STAT4: variants seen among roughly 807,000 people sequenced by gnomAD.
The protein encoded by STAT4 is signal transducer and activator of transcription 4.
In STAT4, 42 loss-of-function variants were observed where a neutral mutation model predicts 110.5. The ratio of observed to expected loss-of-function variants is 0.38; its 90% CI spans 0.30 to 0.49. The LOEUF (loss-of-function observed/expected upper bound fraction) is 0.49, where lower values mean the gene tolerates loss of function less well. Among genes scored for constraint, STAT4 ranks in the 20% least tolerant of loss-of-function variants. The pLI is 0.95. For synonymous variants in STAT4, 284 were observed against 302.2 expected (o/e 0.94, Z 0.63); for missense variants, 632 against 887.9 (o/e 0.71, Z 3.66).
chr2:191,071,514 TC>T (rs2125254352), intron 5 of STAT4, among the ~76,000 whole-genome samples: 1 of 152,314 alleles, frequency 6.6e-6, no homozygotes, highest in African/African-American at 2.4e-5. Context: ...TGCAGAATCT[TC>T]TAATGAAAAG....
At chr2:191,055,653 G>C (rs1183694626) in intron 13 of STAT4, among the ~76,000 whole-genome samples, 1 of 152,084 alleles carries the variant, frequency 6.6e-6, no homozygotes. Context: ...ACGCCCAGCT[G>C]ATTTTTATTT....
Position 191,150,974 on chromosome 2 carries a change from G to A in STAT4, c.-29C>T. On this transcript the variant is annotated 5_prime_UTR_variant, in exon 1 of 24. Coordinates refer to ENST00000392320, the MANE Select transcript of STAT4 (RefSeq NM_003151.4). This position sits in a 1 kb window ranked among gnomAD's most constrained non-coding sequence, Gnocchi z 6.4. ...AGCGCTCTCTCAGCACAGGTCCCAG[G>A]CAGTGCTCAAGTCCAAAGTCAGAAG... 1 of 985,724 alleles carries A rather than the reference G, an allele frequency of 1.0e-6. No homozygotes were observed. 61.1% of individuals were successfully genotyped at this position (985,724 alleles called of 1,614,324 possible).
Position 191,150,483 on chromosome 2 carries a change from T to C in STAT4, c.-2+464A>G, listed in dbSNP as rs1388888755. ...GGTGCCGCTTTGGCTCTGTGGCCTG[T>C]AGCTTGCAAAAGGAGATGACCTGCC... On this transcript the variant is annotated intron_variant, in intron 1 of 23. Coordinates refer to ENST00000392320, the MANE Select transcript of STAT4 (RefSeq NM_003151.4). This position sits in a 1 kb window ranked among gnomAD's most constrained non-coding sequence, Gnocchi z 6.4. Among the ~76,000 whole-genome samples, 1 of 152,222 alleles carries C rather than the reference T, an allele frequency of 6.6e-6. No homozygotes were observed. Among genetic ancestry groups the C allele is most frequent in the African/African-American group, 2.4e-5 (1 of 41,446 alleles).
chr2:191,070,436 G>C (rs746382208), intron 5 of STAT4, among the ~76,000 whole-genome samples: 1 of 152,070 alleles, frequency 6.6e-6, no homozygotes, highest in Non-Finnish European at 1.5e-5. Flanking sequence ...AGAAGCAGAG[G>C]CCACGAGATG....
rs1358707674 is a variant in STAT4, at chr2:191,150,111, T to C, written c.-2+836A>G. Among the ~76,000 whole-genome samples the C allele has an allele frequency of 6.6e-6, 1 of 152,142 alleles. No individual in the cohort carries two copies. The highest frequency in any genetic ancestry group is 1.5e-5 in the Non-Finnish European group (1 of 68,032). ...AATATCACTGTATATTCCATAAATA[T>C]TTACAATTGTGTGTCAAATGAAAAT... is the stretch of plus-strand genomic sequence containing the variant. On this transcript the variant is annotated intron_variant, in intron 1 of 23. Coordinates refer to ENST00000392320, the MANE Select transcript of STAT4 (RefSeq NM_003151.4). The surrounding 1 kb of genome is among the most constrained non-coding windows in gnomAD (Gnocchi z 6.4).
At chr2:191,118,032 C>T (rs775192719) in intron 3 of STAT4, among the ~76,000 whole-genome samples, 8 of 152,146 alleles carry the variant, frequency 5.3e-5, no homozygotes, top group African/African-American at 1.2e-4. Flanking sequence ...TCAGACCTGG[C>T]GTTTTTCATC....
chr2:191,134,964 T>TA (rs1345955533), intron 3 of STAT4, among the ~76,000 whole-genome samples: 2 of 148,774 alleles, frequency 1.3e-5, no homozygotes, highest in Non-Finnish European at 3.0e-5. Flanking sequence ...CATAAAAAGA[T>TA]AAAAAAGTCA....
intron 14 of STAT4, chr2:191,041,535 A>G (rs968311123): frequency 2.6e-5 from 4 of 152,304 alleles, no homozygotes; most frequent in Non-Finnish European, 4.4e-5. Flanking sequence ...TTAGTGTCAC[A>G]ATGAATCTGT....
chr2:191,076,083 G>C lies in STAT4; in HGVS notation c.372+144C>G, dbSNP rs924270992. The C allele has an allele frequency of 2.0e-4, 128 of 635,522 alleles. No homozygotes were observed. Among genetic ancestry groups the C allele is most frequent in the Non-Finnish European group, 3.2e-4 (115 of 363,750 alleles). The allele number at this position is 635,522 out of a possible 1,614,324, so 39.4% of individuals were successfully genotyped here. Reference sequence around the variant, plus strand: ...TGGCCAGACTGGTCTCAAACTCTTGGCTTCAAATGATCCTCCCACCTTTGC... The same window carrying C: ...TGGCCAGACTGGTCTCAAACTCTTGCCTTCAAATGATCCTCCCACCTTTGC... On this transcript the variant is annotated intron_variant, in intron 4 of 23. Transcript: ENST00000392320.
At chr2:191,057,948 T>C in intron 13 of STAT4, 70 bp downstream of exon 13, 1 of 1,255,232 alleles carries the variant, frequency 8.0e-7, no homozygotes, top group East Asian at 2.3e-5. Context: ...TACTGAATTA[T>C]AAGGCGTATT....
chr2:191,076,561 A>G (rs1697323885), intron 3 of STAT4, among the ~76,000 whole-genome samples: 2 of 152,184 alleles, frequency 1.3e-5, no homozygotes, highest in Admixed American at 1.3e-4. Context: ...TTAACAATGA[A>G]AAATGGTTCT....
intron 3 of STAT4, among the ~76,000 whole-genome samples, chr2:191,108,961 A>G (rs1001888021): frequency 2.0e-5 from 3 of 152,126 alleles, no homozygotes; most frequent in East Asian, 1.9e-4. Context: ...CCACTTGGCA[A>G]AAACAGAAAC....
chr2:191,061,962 A>C lies in STAT4; in HGVS notation c.942-141T>G. The C allele has an allele frequency of 7.2e-6, 5 of 697,400 alleles. No homozygotes were observed. The South Asian group carries it at 8.0e-5, about 11-fold the overall frequency. The allele number at this position is 697,400 out of a possible 1,614,324, so 43.2% of individuals were successfully genotyped here. On this transcript the variant is annotated intron_variant, in intron 9 of 23. Transcript: ENST00000392320. The surrounding 1 kb of genome is among the most constrained non-coding windows in gnomAD (Gnocchi z 6.2). ...ATATTCAAACCCCCAATTAAACTCA[A>C]ATCTTTACAATGACTTTTTATAAAT... is the stretch of plus-strand genomic sequence containing the variant.
chr2:191,053,122 T>G lies in STAT4; in HGVS notation c.1251+1368A>C, dbSNP rs763607495. 6.6e-6 allele frequency among the ~76,000 whole-genome samples: 1 copy of G among 152,200 alleles called. No individual in the cohort carries two copies. Among genetic ancestry groups the G allele is most frequent in the Admixed American group, 6.5e-5 (1 of 15,284 alleles). ...TATGGTTTTGTGAGGTGTGATAAAT[T>G]GGATGTCATTGGATGCTGGATTTAT... On this transcript the variant is annotated intron_variant, in intron 14 of 23. Coordinates refer to ENST00000392320, the MANE Select transcript of STAT4 (RefSeq NM_003151.4). The surrounding 1 kb of genome is among the most constrained non-coding windows in gnomAD (Gnocchi z 4.5).
Position 191,116,746 on chromosome 2 carries a change from C to T in STAT4, c.273+29867G>A, listed in dbSNP as rs1698583906. Among the ~76,000 whole-genome samples the T allele has an allele frequency of 6.6e-6, 1 of 151,970 alleles. No homozygotes were observed. On this transcript the variant is annotated intron_variant, in intron 3 of 23. Coordinates refer to ENST00000392320, the MANE Select transcript of STAT4 (RefSeq NM_003151.4). This position sits in a 1 kb window ranked among gnomAD's most constrained non-coding sequence, Gnocchi z 4.1. ...GCAGGAGACACCTCTGTCTTACTGC[C>T]TGTTGTATCCCAACATCAGAAGTGT...
chr2:191,062,818 C>T lies in STAT4; in HGVS notation c.885G>A (p.Met295Ile). The change falls in exon 9 of 24, where the codon ATG (methionine) becomes ATA (isoleucine). Residue 295 changes from methionine to isoleucine, a missense_variant. Around this residue, in one of 4 missense-constraint regions of STAT4, gnomAD observed 488 missense variants for 632.8 expected, o/e 0.77. Coordinates refer to ENST00000392320, the MANE Select transcript of STAT4 (RefSeq NM_003151.4). This position sits in a 1 kb window ranked among gnomAD's most constrained non-coding sequence, Gnocchi z 4.9. The part of the protein sequence containing the change: ...KMTYEGDPIP[M>I]QRTHMLERVT... ...CTCTTTCTAGCATGTGAGTTCTTTG[C>T]ATTGGAATGGGATCACCTTCATATG... The T allele has an allele frequency of 1.2e-6, 2 of 1,613,934 alleles. No individual in the cohort carries two copies. Among genetic ancestry groups the T allele is most frequent in the Non-Finnish European group, 1.7e-6 (2 of 1,179,902 alleles).
chr2:191,151,009 C>G, upstream of STAT4: 1 of 985,720 alleles, frequency 1.0e-6, no homozygotes, highest in Non-Finnish European at 1.2e-6. The surrounding 1 kb of genome is among the most constrained non-coding windows in gnomAD (Gnocchi z 4.7). Context: ...GCGCCCCTCA[C>G]AGTCCCTAGG....
chr2:191,058,002 T>A lies in STAT4; in HGVS notation c.1206+16A>T, dbSNP rs748413068. The A allele has an allele frequency of 6.2e-7, 1 of 1,608,208 alleles. No homozygotes were observed. Among genetic ancestry groups the A allele is most frequent in the South Asian group, 1.1e-5 (1 of 90,894 alleles). On this transcript the variant is annotated intron_variant, in intron 13 of 23. Transcript: ENST00000392320. The surrounding 1 kb of genome is among the most constrained non-coding windows in gnomAD (Gnocchi z 4.3). ...TGGGGAAAAAAAAGCCTGTTTAACT[T>A]TACTGCCAAACTTACCAAATGTCGA...
intron 3 of STAT4, among the ~76,000 whole-genome samples, chr2:191,133,557 A>T (rs981627933): frequency 6.6e-6 from 1 of 151,734 alleles, no homozygotes; most frequent in African/African-American, 2.4e-5. Context: ...AATGACACCT[A>T]TCAAATATTA....
Sources: gnomAD v4.1 joint callset for allele counts (sites outside exome capture counted in the v4.1 genomes callset) on GRCh38, gnomAD v4.1.1 for gene constraint, gnomAD v4.1.1 regional missense constraint, Gnocchi (gnomAD v3.1) non-coding constraint, MANE v1.5 for transcripts, NCBI Gene and HGNC (gene_info 2026-07-23, HGNC 2026-07-21) for gene names.